FHOD3: variants seen among roughly 807,000 people sequenced by gnomAD.
FHOD3 encodes formin homology 2 domain containing 3.
Under a neutral mutation model 173.0 loss-of-function variants are expected in FHOD3, and 90 were observed. That is an observed-to-expected ratio of 0.52 (90% CI 0.44 to 0.62). The LOEUF (loss-of-function observed/expected upper bound fraction) is 0.62, where lower values mean the gene tolerates loss of function less well. FHOD3 is among the 20% of genes least tolerant of loss of function. The pLI is 0.00. For missense variants in FHOD3, 1,945 were observed against 2,034.7 expected, an observed-to-expected ratio of 0.96 and a Z score of 0.85; for synonymous variants, 828 against 823.0, an observed-to-expected ratio of 1.01 and a Z score of -0.10.
intron 27 of FHOD3, among the ~76,000 whole-genome samples, chr18:36,763,566 A>G (rs1433281244): frequency 1.4e-5 from 2 of 145,576 alleles, no homozygotes; most frequent in Non-Finnish European, 3.0e-5. Flanking sequence ...TATGTGTATT[A>G]TACACGTTAT....
chr18:36,424,204 G>C (rs117395989), intron 3 of FHOD3, among the ~76,000 whole-genome samples: 15 of 152,028 alleles, frequency 9.9e-5, no homozygotes, highest in Non-Finnish European at 1.8e-4. Context: ...AAGCCTTTCC[G>C]ATGCCCACTT....
At chr18:36,408,476 T>A (rs1046773662) in intron 3 of FHOD3, among the ~76,000 whole-genome samples, 1 of 150,644 alleles carries the variant, frequency 6.6e-6, no homozygotes, top group Non-Finnish European at 1.5e-5. Flanking sequence ...CTGAAGGAGG[T>A]GTGAAGGGCA....
In FHOD3 at chr18:36,454,359, A is replaced by G. The variant is rs567428384; in HGVS notation, c.338-47573A>G. ...CACATGAGCGCACACAGAAGCACAC[A>G]CATGAGCGCATATAGGAGCACACAC... On this transcript the variant is annotated intron_variant, in intron 3 of 28. Coordinates refer to ENST00000590592, the MANE Select transcript of FHOD3 (RefSeq NM_001281740.3). 2.6e-5 allele frequency among the ~76,000 whole-genome samples: 4 copies of G among 152,212 alleles called. No homozygotes were observed. In the East Asian group the frequency reaches 7.7e-4, roughly 29 times the overall value.
intron 3 of FHOD3, among the ~76,000 whole-genome samples, chr18:36,445,099 G>T (rs2051391823): frequency 6.6e-6 from 1 of 152,232 alleles, no homozygotes; most frequent in Admixed American, 6.5e-5. Context: ...CATGACAACA[G>T]TTAGTGGTTG....
At chr18:36,464,380 G>C (rs779009360) in intron 3 of FHOD3, among the ~76,000 whole-genome samples, 3 of 152,172 alleles carry the variant, frequency 2.0e-5, no homozygotes, top group Non-Finnish European at 4.4e-5. Context: ...ACTGCTATTT[G>C]AGATGTGCAG....
chr18:36,514,277 G>A (rs1476022258), intron 5 of FHOD3, among the ~76,000 whole-genome samples: 1 of 152,062 alleles, frequency 6.6e-6, no homozygotes, highest in Non-Finnish European at 1.5e-5. Flanking sequence ...CCCAAGTGGT[G>A]GGATTACAGG....
At chr18:36,378,072 C>A (rs2047537258) in intron 3 of FHOD3, among the ~76,000 whole-genome samples, 1 of 152,156 alleles carries the variant, frequency 6.6e-6, no homozygotes, top group South Asian at 2.1e-4. Context: ...ATCACACTTC[C>A]TATTTTCTGT....
intron 3 of FHOD3, among the ~76,000 whole-genome samples, chr18:36,446,274 T>C (rs1478701300): frequency 6.6e-6 from 1 of 152,154 alleles, no homozygotes; most frequent in Admixed American, 6.5e-5. Flanking sequence ...CTGGGGGCTC[T>C]CAGAATGACA....
chr18:36,390,677 T>C (rs1405344165), intron 3 of FHOD3, among the ~76,000 whole-genome samples: 1 of 152,180 alleles, frequency 6.6e-6, no homozygotes, highest in East Asian at 1.9e-4. Flanking sequence ...AAGTGATGGT[T>C]TTGAGATGTG....
chr18:36,711,161 T>C (rs1208093747), intron 18 of FHOD3: 1 of 152,248 alleles, frequency 6.6e-6, no homozygotes, highest in East Asian at 1.9e-4. Flanking sequence ...GAGTTGGTCA[T>C]GTTTATTTAC....
chr18:36,720,767 T>G (rs549979460), intron 19 of FHOD3, among the ~76,000 whole-genome samples: 11 of 150,736 alleles, frequency 7.3e-5, no homozygotes, highest in African/African-American at 2.7e-4. Flanking sequence ...CTGCTCCTTC[T>G]CCTCCTCCTC....
At chr18:36,372,640 G>T (rs368664335) in intron 2 of FHOD3, 40 bp from the exon 3 acceptor site, 6 of 1,591,660 alleles carry the variant, frequency 3.8e-6, no homozygotes, top group African/African-American at 1.3e-5. Flanking sequence ...TGTCTCTGCT[G>T]ACTCCTCTGA....
intron 1 of FHOD3, among the ~76,000 whole-genome samples, chr18:36,340,563 T>A (rs1419279172): frequency 1.3e-5 from 2 of 148,838 alleles, no homozygotes; most frequent in Non-Finnish European, 3.0e-5. Context: ...TCCCTTGGTT[T>A]GTATGACGGC....
intron 20 of FHOD3, 120 bp from the exon 21 acceptor site, chr18:36,740,536 A>T (rs2150038935): frequency 9.8e-7 from 1 of 1,016,772 alleles, no homozygotes; most frequent in Non-Finnish European, 1.4e-6. Flanking sequence ...TGACAATATA[A>T]CACCTGTACA....
At chr18:36,696,220 A>C (rs2039273688) in intron 17 of FHOD3, among the ~76,000 whole-genome samples, 1 of 152,130 alleles carries the variant, frequency 6.6e-6, no homozygotes, top group Admixed American at 6.6e-5. Flanking sequence ...TGCCCATCTC[A>C]GCCATTTGTC....
intron 10 of FHOD3, among the ~76,000 whole-genome samples, chr18:36,631,589 A>G (rs2034518411): frequency 6.6e-6 from 1 of 152,170 alleles, no homozygotes; most frequent in African/African-American, 2.4e-5. Context: ...GCAAGTGTAC[A>G]AACTCCATTT....
chr18:36,534,466 T>G (rs1302637532), intron 5 of FHOD3, among the ~76,000 whole-genome samples: 1 of 151,902 alleles, frequency 6.6e-6, no homozygotes, highest in Non-Finnish European at 1.5e-5. Context: ...TATTTTCTTT[T>G]ATTTTATTTA....
At chr18:36,634,499 T>C (rs889238409) in intron 10 of FHOD3, among the ~76,000 whole-genome samples, 1 of 152,108 alleles carries the variant, frequency 6.6e-6, no homozygotes, top group Non-Finnish European at 1.5e-5. Flanking sequence ...AGCAGCCCTA[T>C]CTCTTTCTTG....
chr18:36,533,652 C>T (rs1408400651), intron 5 of FHOD3, among the ~76,000 whole-genome samples: 1 of 152,112 alleles, frequency 6.6e-6, no homozygotes, highest in Admixed American at 6.5e-5. Flanking sequence ...GGTGGAACTG[C>T]GGAATCTGGA....
Sources: allele counts gnomAD v4.1 joint callset (sites outside exome capture counted in the v4.1 genomes callset), GRCh38; gene constraint gnomAD v4.1.1; transcripts MANE v1.5; gene names NCBI Gene and HGNC (gene_info 2026-07-23, HGNC 2026-07-21).